PREX1: variants seen among roughly 807,000 people sequenced by gnomAD.
PREX1 encodes the protein phosphatidylinositol 3,4,5-trisphosphate-dependent Rac exchanger 1 protein.
In PREX1, 41 loss-of-function variants were observed where a neutral mutation model predicts 198.3. The observed-to-expected ratio is 0.21, with a 90% CI of 0.16 to 0.27. PREX1 has a LOEUF of 0.27. PREX1 is among the 10% of genes least tolerant of loss of function. PREX1 has a pLI of 1.00. For synonymous variants in PREX1, 843 were observed against 887.2 expected, an observed-to-expected ratio of 0.95 and a Z score of 0.89; for missense variants, 1,620 against 2,200.7, an observed-to-expected ratio of 0.74 and a Z score of 5.28.
intron 4 of PREX1, among the ~76,000 whole-genome samples, chr20:48,730,709 C>G (rs981346988): frequency 6.6e-6 from 1 of 151,982 alleles, no homozygotes; most frequent in African/African-American, 2.4e-5. Flanking sequence ...AAATCTCATA[C>G]TTGGACTGGG....
At position 48,655,918 on chromosome 20, in the gene PREX1, C is replaced by T. The variant is rs1174031916; in HGVS notation, c.2124-543G>A. Among the ~76,000 whole-genome samples, 3 of 152,144 alleles carry T rather than the reference C, an allele frequency of 2.0e-5. No homozygotes were observed. In the East Asian group the frequency reaches 5.8e-4, roughly 29 times the overall value. On this transcript the variant is annotated intron_variant, in intron 18 of 39. Transcript: ENST00000371941. ...AGCATCAGTACCCTGCCCACATCCC[C>T]GTCTAAGGCAGGTCTCCAACCCTAT...
the PREX1 span, among the ~76,000 whole-genome samples, chr20:48,843,089 C>A: frequency 2.0e-5 from 3 of 152,180 alleles, no homozygotes; most frequent in Non-Finnish European, 4.4e-5. Context: ...CCAAGGTCAA[C>A]CTTGACTCTC....
At chr20:48,726,691 A>G (rs1166251851) in intron 4 of PREX1, among the ~76,000 whole-genome samples, 1 of 152,234 alleles carries the variant, frequency 6.6e-6, no homozygotes, top group African/African-American at 2.4e-5. Flanking sequence ...AAGGCCATAT[A>G]GTGGCAAAAC....
rs986975231 is a variant in PREX1 at position 48,684,173 on chromosome 20, G to T, written c.1335-2838C>A. 1.3e-5 allele frequency among the ~76,000 whole-genome samples: 2 copies of T among 152,104 alleles called. No homozygotes were observed. ...CATTCACCCACTAAACATCTATTTA[G>T]CCTACAATGGGCCACGGCCAGGGTG... On this transcript the variant is annotated intron_variant, in intron 10 of 39. Transcript: ENST00000371941. This position sits in a 1 kb window ranked among gnomAD's most constrained non-coding sequence, Gnocchi z 4.2.
intron 1 of PREX1, among the ~76,000 whole-genome samples, chr20:48,815,726 G>A (rs1030625555): frequency 1.4e-4 from 21 of 151,918 alleles, no homozygotes; most frequent in Admixed American, 1.1e-3. Context: ...TGGGGCGGCC[G>A]GGCACAGTGG....
chr20:48,839,194 A>C, the PREX1 span, among the ~76,000 whole-genome samples: 1 of 151,952 alleles, frequency 6.6e-6, no homozygotes, highest in African/African-American at 2.4e-5. Flanking sequence ...TGGACCCCAG[A>C]TGCACAGAAT....
intron 5 of PREX1, among the ~76,000 whole-genome samples, chr20:48,713,259 C>T (rs6012520): frequency 6.6e-6 from 1 of 152,252 alleles, no homozygotes. Flanking sequence ...CAAGACCAGC[C>T]TAGCCAACAT....
chr20:48,666,252 C>A lies in PREX1; in HGVS notation c.1738+31G>T. The stretch of plus-strand genomic sequence containing the variant: ...CCATCAGCTCCAGGGAGCAAGGTCC[C>A]GGGGGCTGGGCTGCAGGTGGGGGTG... On this transcript the variant is annotated intron_variant, in intron 15 of 39. Transcript: ENST00000371941. The surrounding 1 kb of genome is among the most constrained non-coding windows in gnomAD (Gnocchi z 4.3). The A allele has an allele frequency of 6.5e-7, 1 of 1,539,224 alleles. No homozygotes were observed.
At chr20:48,628,732 G>A (rs2089291572) in intron 37 of PREX1, among the ~76,000 whole-genome samples, 1 of 152,230 alleles carries the variant, frequency 6.6e-6, no homozygotes, top group Non-Finnish European at 1.5e-5. Flanking sequence ...AAGACGGAAA[G>A]GAGTTAATCT....
Position 48,708,507 on chromosome 20 carries a change from A to G in PREX1, c.622-86T>C, listed in dbSNP as rs1407323972. The G allele has an allele frequency of 2.8e-6, 4 of 1,418,356 alleles. No homozygotes were observed. In the Admixed American group the frequency reaches 8.2e-5, roughly 29 times the overall value. 87.9% of individuals were successfully genotyped at this position (1,418,356 alleles called of 1,614,324 possible). ...AGGCCAGAGCTGAACCCAAGAAAAC[A>G]GACAAAAACTCCTCGCCTGGTGGAC... is the stretch of plus-strand genomic sequence containing the variant. On this transcript the variant is annotated intron_variant, in intron 5 of 39. Transcript: ENST00000371941.
At chr20:48,811,798 A>T (rs1443750836) in intron 1 of PREX1, among the ~76,000 whole-genome samples, 1 of 152,202 alleles carries the variant, frequency 6.6e-6, no homozygotes, top group African/African-American at 2.4e-5. Context: ...GAGACAAGGG[A>T]ATCCCCTAGG....
At chr20:48,826,831 C>G (rs2090511087) in intron 1 of PREX1, among the ~76,000 whole-genome samples, 1 of 152,138 alleles carries the variant, frequency 6.6e-6, no homozygotes, top group Admixed American at 6.5e-5. Context: ...TGTACTCCAG[C>G]CTGGGTGACT....
At chr20:48,786,694 A>C (rs1403204847) in intron 1 of PREX1, among the ~76,000 whole-genome samples, 1 of 151,650 alleles carries the variant, frequency 6.6e-6, no homozygotes, top group Non-Finnish European at 1.5e-5. Context: ...GCAGTGAGCC[A>C]AGATCATGCC....
chr20:48,681,282 CCTT>C lies in PREX1; in HGVS notation c.1385_1387del (p.Glu462del). ...CAACAGGGCTTGGCCCAAGTTGACT[CCTT>C]CTTCCGTCTTGCTGATTTCACCAAT... On this transcript the variant is annotated inframe_deletion, in exon 11 of 40. Transcript: ENST00000371941. 6.2e-7 allele frequency: 1 copy of C among 1,614,232 alleles called. No individual in the cohort carries two copies. Among genetic ancestry groups the C allele is most frequent in the Non-Finnish European group, 8.5e-7 (1 of 1,180,046 alleles).
intron 17 of PREX1, 147 bp downstream of exon 17, chr20:48,657,989 C>T: frequency 2.4e-6 from 2 of 818,552 alleles, no homozygotes; most frequent in Non-Finnish European, 3.9e-6. Context: ...GGGTCCTGGA[C>T]TCAGTTTCTC....
intron 5 of PREX1, among the ~76,000 whole-genome samples, chr20:48,712,509 C>T (rs1327971144): frequency 6.6e-6 from 1 of 152,232 alleles, no homozygotes; most frequent in Non-Finnish European, 1.5e-5. Flanking sequence ...AAGTTGGAAT[C>T]TCAGTGACCC....
At chr20:48,647,880 AT>A (rs1047872666) in intron 25 of PREX1, among the ~76,000 whole-genome samples, 10 of 152,056 alleles carry the variant, frequency 6.6e-5, no homozygotes, top group African/African-American at 2.4e-4. Context: ...TTCCCCCATG[AT>A]CCCCATCACT....
At chr20:48,702,498 C>T (rs920314007) in intron 6 of PREX1, among the ~76,000 whole-genome samples, 21 of 152,254 alleles carry the variant, frequency 1.4e-4, no homozygotes, top group Admixed American at 1.2e-3. Flanking sequence ...CATCTCCCAG[C>T]CCCCCTTGTG....
chr20:48,796,917 A>G (rs967125177), intron 1 of PREX1, among the ~76,000 whole-genome samples: 4 of 152,072 alleles, frequency 2.6e-5, no homozygotes. Context: ...CTTCGCAGAT[A>G]CAAATCAGAA....
Sources: gnomAD v4.1 joint callset for allele counts (sites outside exome capture counted in the v4.1 genomes callset) on GRCh38, gnomAD v4.1.1 for gene constraint, Gnocchi (gnomAD v3.1) non-coding constraint, MANE v1.5 for transcripts, NCBI Gene and HGNC (gene_info 2026-07-23, HGNC 2026-07-21) for gene names.